CDC73: variants seen among roughly 807,000 people sequenced by gnomAD.
CDC73 encodes cell division cycle 73, also known as parafibromin.
In CDC73, 21 loss-of-function variants were observed where a neutral mutation model predicts 83.7. The ratio of observed to expected loss-of-function variants is 0.25; its 90% confidence interval spans 0.18 to 0.36. The LOEUF (loss-of-function observed/expected upper bound fraction) is 0.36. CDC73 is among the 10% of genes least tolerant of loss of function. The pLI, the probability that CDC73 is intolerant of heterozygous loss-of-function variation, is 1.00. For missense variants in CDC73, 342 were observed against 653.3 expected (o/e 0.52, Z 5.19); for synonymous variants, 224 against 212.9 (o/e 1.05, Z -0.45).
At chr1:193,204,207 GTATATATA>G (rs1243655200) in intron 11 of CDC73, among the ~76,000 whole-genome samples, 70 of 14,716 alleles carry the variant, frequency 4.8e-3, no homozygotes, top group African/African-American at 0.016. Flanking sequence ...ATATATACGT[GTATATATA>G]TGTATATATA....
chr1:193,245,885 G>A (rs999842756), intron 15 of CDC73, among the ~76,000 whole-genome samples: 5 of 152,090 alleles, frequency 3.3e-5, no homozygotes, highest in African/African-American at 1.2e-4. Context: ...CTGACGATTA[G>A]TGACATTGAG....
At chr1:193,222,294 C>T (rs945607861) in intron 13 of CDC73, among the ~76,000 whole-genome samples, 10 of 152,064 alleles carry the variant, frequency 6.6e-5, no homozygotes, top group African/African-American at 2.4e-4. Context: ...GAGGGTTCTC[C>T]TTACATCCGC....
chr1:193,188,988 C>G (rs1676874349), intron 10 of CDC73, among the ~76,000 whole-genome samples: 1 of 146,902 alleles, frequency 6.8e-6, no homozygotes, highest in Non-Finnish European at 1.5e-5. Flanking sequence ...GAGTTTTGCT[C>G]TATTGCCCAG....
chr1:193,140,212 C>G (rs1300111613), intron 6 of CDC73, among the ~76,000 whole-genome samples: 1 of 152,168 alleles, frequency 6.6e-6, no homozygotes, highest in Non-Finnish European at 1.5e-5. Flanking sequence ...TAGGGAATTA[C>G]TGTCCTTCAT....
chr1:193,183,327 G>C (rs2103161173), intron 10 of CDC73, among the ~76,000 whole-genome samples: 1 of 134,846 alleles, frequency 7.4e-6, no homozygotes, highest in East Asian at 2.0e-4. Flanking sequence ...AGTACTTTTA[G>C]AAGTTATAAT....
chr1:193,187,698 T>C (rs1337833210), intron 10 of CDC73, among the ~76,000 whole-genome samples: 2 of 152,118 alleles, frequency 1.3e-5, no homozygotes, highest in Non-Finnish European at 2.9e-5. Flanking sequence ...TATATGCTAT[T>C]TCAAATGAAT....
At chr1:193,181,019 C>G (rs1481972364) in intron 10 of CDC73, 1 of 1,613,618 alleles carries the variant, frequency 6.2e-7, no homozygotes, top group East Asian at 2.2e-5. Flanking sequence ...ATTTGAATAC[C>G]AGGTGCTAGA....
rs1290068500 is a variant in CDC73, at chr1:193,254,260, A to G, written c.*3548A>G. On this transcript the variant is annotated 3_prime_UTR_variant, in exon 17 of 17. Transcript: ENST00000367435. ...TATAGAATGCTGAGAAATAATTTAT[A>G]AAATAAGAACTATAGAAATTTGTTC... Among the ~76,000 whole-genome samples the G allele has an allele frequency of 6.6e-6, 1 of 152,078 alleles. No individual in the cohort carries two copies. The highest frequency in any genetic ancestry group is 1.5e-5 in the Non-Finnish European group (1 of 67,936).
chr1:193,151,226 C>CAA (rs1409337080), intron 9 of CDC73, among the ~76,000 whole-genome samples: 3 of 152,098 alleles, frequency 2.0e-5, no homozygotes, highest in Non-Finnish European at 1.5e-5. Flanking sequence ...AATCTGAAAT[C>CAA]TTCATTTAAG....
intron 2 of CDC73, among the ~76,000 whole-genome samples, chr1:193,129,203 G>C (rs1377039798): frequency 1.3e-5 from 2 of 151,976 alleles, no homozygotes; most frequent in African/African-American, 4.8e-5. Flanking sequence ...TTACCATCTT[G>C]CTCAGGCTGG....
At chr1:193,210,978 T>C (rs1458581237) in intron 11 of CDC73, among the ~76,000 whole-genome samples, 1 of 152,234 alleles carries the variant, frequency 6.6e-6, no homozygotes, top group Non-Finnish European at 1.5e-5. Context: ...CTTCGCACAG[T>C]AGTATTTGCT....
chr1:193,210,885 GA>G (rs140535902), intron 11 of CDC73, among the ~76,000 whole-genome samples: 1,867 of 150,396 alleles, frequency 0.012, 18 homozygotes, highest in South Asian at 0.036. Context: ...TTAAAAGAAA[GA>G]AAAAAAAATA....
chr1:193,176,636 C>A (rs1179544152), intron 10 of CDC73, among the ~76,000 whole-genome samples: 1 of 152,090 alleles, frequency 6.6e-6, no homozygotes, highest in South Asian at 2.1e-4. Flanking sequence ...CTTGGAGATG[C>A]CTTAGAAATG....
rs1678080030 is a variant in CDC73 at position 193,253,690 on chromosome 1, A to G, written c.*2978A>G. On this transcript the variant is annotated 3_prime_UTR_variant, in exon 17 of 17. Transcript: ENST00000367435. Reference sequence around the variant, plus strand: ...ACTAATTCATAATGAGGAAAATCTCATAATTTTTAAGGCAGAAAGAAGTAT... The same window carrying G: ...ACTAATTCATAATGAGGAAAATCTCGTAATTTTTAAGGCAGAAAGAAGTAT... The G allele has an allele frequency of 8.6e-6, 2 of 231,852 alleles. No homozygotes were observed. The highest frequency in any genetic ancestry group is 6.1e-5 in the East Asian group (1 of 16,316). 14.4% of individuals were successfully genotyped at this position (231,852 alleles called of 1,614,324 possible).
At chr1:193,158,502 TA>T (rs58072960) in intron 10 of CDC73, among the ~76,000 whole-genome samples, 1 of 149,560 alleles carries the variant, frequency 6.7e-6, no homozygotes, top group African/African-American at 2.5e-5. Flanking sequence ...TCTCTAAAAA[TA>T]AAAAAAAAAA....
intron 3 of CDC73, among the ~76,000 whole-genome samples, chr1:193,134,852 A>G (rs1036948650): frequency 1.3e-5 from 2 of 152,214 alleles, no homozygotes; most frequent in African/African-American, 2.4e-5. Flanking sequence ...AGGATATATA[A>G]GAGACTAGTT....
At chr1:193,183,502 A>G (rs2103161306) in intron 10 of CDC73, among the ~76,000 whole-genome samples, 2 of 150,882 alleles carry the variant, frequency 1.3e-5, no homozygotes, top group Middle Eastern at 6.8e-3. Context: ...CACTGTACCA[A>G]CAAAACATAG....
At chr1:193,179,506 C>G (rs1676673631) in intron 10 of CDC73, 1 of 152,570 alleles carries the variant, frequency 6.6e-6, no homozygotes, top group African/African-American at 2.4e-5. Flanking sequence ...AGTAATTGGT[C>G]TAATCCAATA....
chr1:193,130,075 A>G (rs967782162), intron 2 of CDC73, 99 bp from the exon 3 acceptor site: 2 of 697,188 alleles, frequency 2.9e-6, no homozygotes, highest in African/African-American at 3.6e-5. Context: ...CGTTTTTTCA[A>G]GATATGTTGG....
Sources: gnomAD v4.1 joint callset for allele counts (sites outside exome capture counted in the v4.1 genomes callset) on GRCh38, gnomAD v4.1.1 for gene constraint, MANE v1.5 for transcripts, NCBI Gene and HGNC (gene_info 2026-07-23, HGNC 2026-07-21) for gene names.